The following FOXO3B variants were observed in gnomAD, a reference collection of about 807,000 sequenced individuals.
FOXO3B encodes the protein forkhead box O3B.
A neutral mutation model predicts 21.9 loss-of-function variants in FOXO3B; 15 were observed. That is an observed-to-expected ratio of 0.68 (90% CI 0.46 to 1.05). The LOEUF (loss-of-function observed/expected upper bound fraction) is 1.05. FOXO3B is among the 50% of genes least tolerant of loss of function. The pLI, the probability that FOXO3B is intolerant of heterozygous loss-of-function variation, is 0.00. For synonymous variants in FOXO3B, 135 were observed against 213.6 expected (o/e 0.63, Z 3.21); for missense variants, 293 against 435.5 (o/e 0.67, Z 2.91).
chr17:18,673,744 T>A (rs547705124), intron 3 of FOXO3B, among the ~76,000 whole-genome samples: 1 of 151,944 alleles, frequency 6.6e-6, no homozygotes, highest in Admixed American at 6.5e-5. Flanking sequence ...AAGACGAGAT[T>A]TGATTATGAA....
intron 2 of FOXO3B, among the ~76,000 whole-genome samples, 155 bp from the exon 3 acceptor site, chr17:18,680,984 C>T (rs1193594659): frequency 1.3e-5 from 2 of 151,964 alleles, no homozygotes; most frequent in East Asian, 1.9e-4. Context: ...GGACCCTCTT[C>T]CCGGGATATG....
In FOXO3B at chr17:18,671,114, A is replaced by G. The variant is rs2032355195; in HGVS notation, c.*1195T>C. On this transcript the variant is annotated 3_prime_UTR_variant, in exon 4 of 4. Transcript: ENST00000395675. Reference sequence around the variant, plus strand: ...GGTCCAAGTCGCTGGGGAACTTCTCATGGCCCATGACGGGCAGGTTTGCAC... The same window carrying G: ...GGTCCAAGTCGCTGGGGAACTTCTCGTGGCCCATGACGGGCAGGTTTGCAC... 1 of 934,090 alleles carries G rather than the reference A, an allele frequency of 1.1e-6. No individual in the cohort carries two copies. Among genetic ancestry groups the G allele is most frequent in the African/African-American group, 1.7e-5 (1 of 59,706 alleles). 57.9% of individuals were successfully genotyped at this position (934,090 alleles called of 1,614,324 possible). A position where few individuals can be genotyped will look rare whatever the true frequency, so the allele number is the denominator to read the frequency against.
chr17:18,677,556 G>A lies in FOXO3B; in HGVS notation c.126+3185C>T, dbSNP rs967569778. On this transcript the variant is annotated intron_variant, in intron 3 of 3. Coordinates refer to ENST00000395675, the MANE Select transcript of FOXO3B (RefSeq NM_001368135.1). ...GGCCCGTCTGCTCACAGAGATCCAC[G>A]GGGGCGCCGGCGGGCCCAGCGGCAG... 12 of 1,605,540 alleles carry A rather than the reference G, an allele frequency of 7.5e-6. No homozygotes were observed. In the East Asian group the frequency reaches 1.1e-4, roughly 15 times the overall value.
In FOXO3B at chr17:18,672,593, G is replaced by T; in HGVS notation, c.589C>A (p.Pro197Thr). The stretch of plus-strand genomic sequence containing the variant: ...CTCAGCCCGCCCGCCGCGGTGGCTG[G>T]CCCAGACCCGGGGTCTTGCCCTCCG... ...APGGQDPGSG[P>T]ATAAGGLSGG... The change falls in exon 4 of 4, where the codon CCA (proline) becomes ACA (threonine). Residue 197 changes from proline to threonine, a missense_variant. By Grantham distance (38) the Pro-to-Thr change is conservative. Coordinates refer to ENST00000395675, the MANE Select transcript of FOXO3B (RefSeq NM_001368135.1). The surrounding 1 kb of genome is among the most constrained non-coding windows in gnomAD (Gnocchi z 4.2). 7.0e-7 allele frequency: 1 copy of T among 1,436,056 alleles called. No individual in the cohort carries two copies. The highest frequency in any genetic ancestry group is 1.5e-5 in the South Asian group (1 of 67,464). 89.0% of individuals were successfully genotyped at this position (1,436,056 alleles called of 1,614,324 possible).
rs1362848926 is a variant in FOXO3B, at chr17:18,668,142, G to C, written c.*4167C>G. Reference sequence around the variant, plus strand: ...CAGGTGGCTGAGGGTGAGGGTGCCGGGACCCTACACAGGCTTCACTACCAG... The same window carrying C: ...CAGGTGGCTGAGGGTGAGGGTGCCGCGACCCTACACAGGCTTCACTACCAG... On this transcript the variant is annotated 3_prime_UTR_variant, in exon 4 of 4. Coordinates refer to ENST00000395675, the MANE Select transcript of FOXO3B (RefSeq NM_001368135.1). 1 of 152,408 alleles carries C rather than the reference G, an allele frequency of 6.6e-6. No individual in the cohort carries two copies. The highest frequency in any genetic ancestry group is 1.5e-5 in the Non-Finnish European group (1 of 68,260). 9.4% of individuals were successfully genotyped at this position (152,408 alleles called of 1,614,324 possible).
At position 18,673,223 on chromosome 17, in the gene FOXO3B, G is replaced by GT. The variant is rs541349150; in HGVS notation, c.127-169dup. ...ACACTTTTTGTTTAAAGAAAATAATGTTTTTTAATAAAAAAATATACTGTG... is the reference window on the plus strand; with the variant it reads ...ACACTTTTTGTTTAAAGAAAATAATGTTTTTTTAATAAAAAAATATACTGTG... On this transcript the variant is annotated intron_variant, in intron 3 of 3. Transcript: ENST00000395675. Among the ~76,000 whole-genome samples the GT allele has an allele frequency of 2.0e-4, 30 of 151,666 alleles. 1 individual carries two copies. Among genetic ancestry groups the GT allele is most frequent in the Admixed American group, 1.8e-3 (27 of 15,286 alleles).
chr17:18,681,049 T>C (rs2032576434), intron 2 of FOXO3B, among the ~76,000 whole-genome samples: 1 of 151,936 alleles, frequency 6.6e-6, no homozygotes, highest in Non-Finnish European at 1.5e-5. Flanking sequence ...TAACACATTC[T>C]GTAAGATGGC....
In FOXO3B at chr17:18,671,711, C is replaced by G. The variant is rs1448363170; in HGVS notation, c.*598G>C. The G allele has an allele frequency of 1.9e-6, 3 of 1,613,664 alleles. No homozygotes were observed. The highest frequency in any genetic ancestry group is 2.5e-6 in the Non-Finnish European group (3 of 1,179,976). ...AGCTAGAACTCCGCTGCATGAGTCC[C>G]CCAGTGGGCGATGGCTGGGATGGCG... On this transcript the variant is annotated 3_prime_UTR_variant, in exon 4 of 4. Transcript: ENST00000395675.
At chr17:18,674,483 G>A (rs2032444780) in intron 3 of FOXO3B, among the ~76,000 whole-genome samples, 1 of 150,478 alleles carries the variant, frequency 6.6e-6, no homozygotes, top group African/African-American at 2.4e-5. Flanking sequence ...AAAATTAGCC[G>A]GGTGTGGTGG....
intron 1 of FOXO3B, 77 bp from the exon 2 acceptor site, chr17:18,681,923 G>GA: frequency 1.6e-6 from 1 of 623,108 alleles, no homozygotes; most frequent in Non-Finnish European, 2.9e-6. Flanking sequence ...GTCCCTGGGG[G>GA]AACCGGGCGC....
At position 18,671,881 on chromosome 17, in the gene FOXO3B, C is replaced by A; in HGVS notation, c.*428G>T. On this transcript the variant is annotated 3_prime_UTR_variant, in exon 4 of 4. Transcript: ENST00000395675. The stretch of plus-strand genomic sequence containing the variant: ...TGAAGGTGACAGGCTCGCTGAGCTG[C>A]TGTAGAGCATGGGCGAGAGAGGCGC... The A allele has an allele frequency of 1.2e-6, 2 of 1,613,586 alleles. No individual in the cohort carries two copies. Among genetic ancestry groups the A allele is most frequent in the Non-Finnish European group, 1.7e-6 (2 of 1,179,704 alleles).
rs73981347 is a variant in FOXO3B, at chr17:18,667,874, G to A, written c.*4435C>T. The A allele has an allele frequency of 0.083, 12,666 of 151,924 alleles. 1,689 individuals are homozygous for A. Among genetic ancestry groups the A allele is most frequent in the African/African-American group, 0.28 (11,573 of 41,150 alleles). 9.4% of individuals were successfully genotyped at this position (151,924 alleles called of 1,614,324 possible). A position where few individuals can be genotyped will look rare whatever the true frequency, so the allele number is the denominator to read the frequency against. On this transcript the variant is annotated 3_prime_UTR_variant, in exon 4 of 4. Transcript: ENST00000395675. ...TTATTTAGAGGCCAAGTGTGGCCTCGGATAGTTCTCATCATAAATCAAACA... is the reference window on the plus strand; with the variant it reads ...TTATTTAGAGGCCAAGTGTGGCCTCAGATAGTTCTCATCATAAATCAAACA...
At chr17:18,675,877 GTAGA>G (rs1190217912) in intron 3 of FOXO3B, among the ~76,000 whole-genome samples, 1 of 152,030 alleles carries the variant, frequency 6.6e-6, no homozygotes, top group Non-Finnish European at 1.5e-5. Context: ...CTGGGATAAA[GTAGA>G]TAGACAATTC....
Position 18,671,479 on chromosome 17 carries a change from C to T in FOXO3B, c.*830G>A, listed in dbSNP as rs1171900549. The T allele has an allele frequency of 2.5e-6, 4 of 1,582,676 alleles. No individual in the cohort carries two copies. Among genetic ancestry groups the T allele is most frequent in the East Asian group, 2.2e-5 (1 of 44,522 alleles). On this transcript the variant is annotated 3_prime_UTR_variant, in exon 4 of 4. Transcript: ENST00000395675. ...GGGTCCGACTGTGTCATCATGACAT[C>T]GCTGTGGCTAAGTGAGTCCGAAGTG...
In FOXO3B at chr17:18,672,263, G is replaced by A. The variant is rs577884947; in HGVS notation, c.*46C>T. On this transcript the variant is annotated 3_prime_UTR_variant, in exon 4 of 4. Coordinates refer to ENST00000395675, the MANE Select transcript of FOXO3B (RefSeq NM_001368135.1). The surrounding 1 kb of genome is among the most constrained non-coding windows in gnomAD (Gnocchi z 4.2). ...TTGCCAGTTCCCTCATTCTGGACCC[G>A]CATGAATCGACTATGCAGTGACAGG... 2.5e-6 allele frequency: 4 copies of A among 1,610,744 alleles called. No homozygotes were observed. Among genetic ancestry groups the A allele is most frequent in the Non-Finnish European group, 2.5e-6 (3 of 1,177,608 alleles).
intron 3 of FOXO3B, among the ~76,000 whole-genome samples, chr17:18,676,332 T>TA (rs2032481117): frequency 1.3e-5 from 2 of 152,174 alleles, no homozygotes; most frequent in African/African-American, 4.8e-5. Flanking sequence ...GTTATCTCCC[T>TA]AAACCAGCTC....
At chr17:18,677,458 C>G (rs2032510983) in intron 3 of FOXO3B, 2 of 1,614,194 alleles carry the variant, frequency 1.2e-6, no homozygotes, top group East Asian at 4.5e-5. Flanking sequence ...CTGATCCACC[C>G]TAACCCCGAG....
rs567317991 is a variant in FOXO3B at position 18,678,998 on chromosome 17, G to T, written c.126+1743C>A. On this transcript the variant is annotated intron_variant, in intron 3 of 3. Coordinates refer to ENST00000395675, the MANE Select transcript of FOXO3B (RefSeq NM_001368135.1). ...GAAGAGAATCTGCCCTTTTTCTCTG[G>T]CCTTCAACACAGGAAGATGTAAGCC... Among the ~76,000 whole-genome samples the T allele has an allele frequency of 2.7e-3, 404 of 151,442 alleles. 3 individuals are homozygous for T. The highest frequency in any genetic ancestry group is 3.7e-3 in the Non-Finnish European group (249 of 67,882).
rs2032387898 is a variant in FOXO3B at position 18,672,439 on chromosome 17, G to C, written c.743C>G (p.Ala248Gly). Residue 248 changes from alanine (A) to glycine (G), a missense_variant, in exon 4 of 4, where the codon GCG becomes GGG. This residue lies in a region of FOXO3B where 251 missense variants were observed against 404.0 expected (regional missense o/e 0.62). Coordinates refer to ENST00000395675, the MANE Select transcript of FOXO3B (RefSeq NM_001368135.1). This position sits in a 1 kb window ranked among gnomAD's most constrained non-coding sequence, Gnocchi z 4.2. The stretch of plus-strand genomic sequence containing the variant: ...CTCGATGGCGCGGGTGATCAGGTCC[G>C]CGTAGGACAGGTTTCCCCAGGCGTT... ...RRNAWGNLSY[A>G]DLITRAIESS... 1.9e-6 allele frequency: 3 copies of C among 1,608,464 alleles called. No individual in the cohort carries two copies. Among genetic ancestry groups the C allele is most frequent in the Non-Finnish European group, 2.5e-6 (3 of 1,177,376 alleles).
Sources: allele counts gnomAD v4.1 joint callset (sites outside exome capture counted in the v4.1 genomes callset), GRCh38; gene constraint gnomAD v4.1.1; regional missense constraint gnomAD v4.1.1; non-coding constraint Gnocchi (gnomAD v3.1); transcripts MANE v1.5; gene names NCBI Gene and HGNC (gene_info 2026-07-23, HGNC 2026-07-21).